UBE3C: variants seen among roughly 807,000 people sequenced by gnomAD.
UBE3C encodes ubiquitin protein ligase E3C, also known as ubiquitin-protein ligase E3C.
A neutral mutation model predicts 129.4 loss-of-function variants in UBE3C; 42 were observed. That is an observed-to-expected ratio of 0.32 (90% CI 0.25 to 0.42). UBE3C has a LOEUF of 0.42. Ranked by LOEUF, UBE3C falls within the 10% of genes least tolerant of loss-of-function variation. The probability of loss-of-function intolerance (pLI) is 1.00; values close to 1 mark genes in which losing one functional copy is unlikely to be tolerated. For missense variants in UBE3C, 1,049 were observed against 1,319.1 expected, an observed-to-expected ratio of 0.80 and a Z score of 3.17; for synonymous variants, 510 against 492.4, an observed-to-expected ratio of 1.04 and a Z score of -0.47.
At chr7:157,151,953 C>T (rs1323721858) in intron 1 of UBE3C, among the ~76,000 whole-genome samples, 2 of 152,208 alleles carry the variant, frequency 1.3e-5, no homozygotes, top group Non-Finnish European at 2.9e-5. Flanking sequence ...TGTTCCCCTT[C>T]TGTTCTAGTA....
chr7:157,160,272 A>G (rs1189780550), intron 1 of UBE3C, among the ~76,000 whole-genome samples: 1 of 152,082 alleles, frequency 6.6e-6, no homozygotes, highest in East Asian at 1.9e-4. Context: ...ACGGGGTTCC[A>G]CCATGTAGGT....
intron 22 of UBE3C, among the ~76,000 whole-genome samples, chr7:157,257,742 CAAA>C (rs11436417): frequency 6.3e-5 from 6 of 95,534 alleles, no homozygotes; most frequent in African/African-American, 2.6e-4. Flanking sequence ...ACCCTGTCTC[CAAA>C]AAAAAAAAAA....
intron 22 of UBE3C, among the ~76,000 whole-genome samples, chr7:157,266,879 G>T (rs1313806449): frequency 6.6e-6 from 1 of 151,854 alleles, no homozygotes; most frequent in Non-Finnish European, 1.5e-5. Flanking sequence ...GGAGTATAGG[G>T]GCAGACCACC....
intron 12 of UBE3C, 54 bp from the exon 13 acceptor site, chr7:157,207,647 AGT>A: frequency 6.3e-7 from 1 of 1,593,586 alleles, no homozygotes; most frequent in South Asian, 1.1e-5. Context: ...TAAGTCTTTC[AGT>A]GTGTGTTAAA....
Position 157,161,643 on chromosome 7 carries a change from A to G in UBE3C, c.67-2167A>G, listed in dbSNP as rs981139551. On this transcript the variant is annotated intron_variant, in intron 1 of 22. Coordinates refer to ENST00000348165, the MANE Select transcript of UBE3C (RefSeq NM_014671.3). ...TTTGTTTTGTATTTTTTGTGGAGAT[A>G]GGGTTTCACCATGTAGCCCAGGCTG... 5.3e-5 allele frequency among the ~76,000 whole-genome samples: 8 copies of G among 151,930 alleles called. 1 individual carries two copies. Among genetic ancestry groups the G allele is most frequent in the Admixed American group, 2.6e-4 (4 of 15,248 alleles).
At chr7:157,252,346 GT>G (rs1201728502) in intron 19 of UBE3C, among the ~76,000 whole-genome samples, 1 of 152,146 alleles carries the variant, frequency 6.6e-6, no homozygotes, top group Non-Finnish European at 1.5e-5. Context: ...CTGAGGCTTG[GT>G]TAACAGATGG....
At chr7:157,146,116 A>T (rs1429731272) in intron 1 of UBE3C, among the ~76,000 whole-genome samples, 1 of 152,152 alleles carries the variant, frequency 6.6e-6, no homozygotes, top group Non-Finnish European at 1.5e-5. Flanking sequence ...TAGATTTTTA[A>T]TTTTTGAAGT....
In UBE3C at chr7:157,210,772, A is replaced by G. The variant is rs553696820; in HGVS notation, c.1809+2837A>G. Among the ~76,000 whole-genome samples the G allele has an allele frequency of 2.8e-4, 43 of 152,316 alleles. 1 individual carries two copies. The South Asian group carries it at 8.9e-3, about 32-fold the overall frequency. ...TTTTGACAGAATTGCAAACGATGAG[A>G]CCTGACTCCTTCAACACCGACCATT... On this transcript the variant is annotated intron_variant, in intron 13 of 22. Transcript: ENST00000348165.
chr7:157,172,999 A>G lies in UBE3C; in HGVS notation c.343-1920A>G, dbSNP rs138753506. On this transcript the variant is annotated intron_variant, in intron 4 of 22. Transcript: ENST00000348165. Reference sequence around the variant, plus strand: ...CATATTTGACTTTCGGCCTCGAGCAAATATCAAGCAAATTGCTCATGTGCA... The same window carrying G: ...CATATTTGACTTTCGGCCTCGAGCAGATATCAAGCAAATTGCTCATGTGCA... Among the ~76,000 whole-genome samples the G allele has an allele frequency of 1.7e-3, 257 of 152,350 alleles. 2 individuals carry two copies. Among genetic ancestry groups the G allele is most frequent in the Non-Finnish European group, 2.4e-3 (164 of 68,030 alleles).
At chr7:157,150,548 T>G (rs993828268) in intron 1 of UBE3C, among the ~76,000 whole-genome samples, 4 of 152,194 alleles carry the variant, frequency 2.6e-5, no homozygotes, top group African/African-American at 7.2e-5. Context: ...TGAAACAGCC[T>G]ACATGTCTAA....
At chr7:157,163,014 T>A (rs1302764738) in intron 1 of UBE3C, among the ~76,000 whole-genome samples, 4 of 152,078 alleles carry the variant, frequency 2.6e-5, no homozygotes, top group Non-Finnish European at 5.9e-5. Context: ...TGAAAAAAAA[T>A]TTTCATCAAA....
intron 1 of UBE3C, among the ~76,000 whole-genome samples, chr7:157,163,006 A>G (rs1411704961): frequency 6.6e-6 from 1 of 152,094 alleles, no homozygotes; most frequent in Non-Finnish European, 1.5e-5. Flanking sequence ...TTTATTTATG[A>G]AAAAAAATTT....
chr7:157,216,764 C>A lies in UBE3C; in HGVS notation c.1810-103C>A, dbSNP rs181415142. ...TTTGGTGTCCGGCTCGACCTGGGTT[C>A]CTGCACCACCGCTGTGTGCTCCTCC... On this transcript the variant is annotated intron_variant, in intron 13 of 22. Coordinates refer to ENST00000348165, the MANE Select transcript of UBE3C (RefSeq NM_014671.3). The A allele has an allele frequency of 3.4e-6, 3 of 870,706 alleles. No homozygotes were observed. The African/African-American group carries it at 5.1e-5, about 15-fold the overall frequency. 53.9% of individuals were successfully genotyped at this position (870,706 alleles called of 1,614,324 possible).
chr7:157,220,354 A>G (rs1235782175), intron 14 of UBE3C, among the ~76,000 whole-genome samples: 2 of 152,222 alleles, frequency 1.3e-5, no homozygotes, highest in African/African-American at 4.8e-5. Flanking sequence ...TGAATTTTTG[A>G]TAATAATAAC....
chr7:157,169,746 A>G (rs946382468), intron 3 of UBE3C, among the ~76,000 whole-genome samples: 8 of 152,014 alleles, frequency 5.3e-5, no homozygotes, highest in Admixed American at 2.0e-4. Flanking sequence ...CAGTTGCACG[A>G]TCTTGGCTCA....
In UBE3C at chr7:157,152,606, T is replaced by C. The variant is rs184402631; in HGVS notation, c.67-11204T>C. Among the ~76,000 whole-genome samples the C allele has an allele frequency of 3.7e-4, 57 of 152,334 alleles. No individual in the cohort carries two copies. In the East Asian group the frequency reaches 0.01, roughly 27 times the overall value. On this transcript the variant is annotated intron_variant, in intron 1 of 22. Transcript: ENST00000348165. Reference sequence around the variant, plus strand: ...AGCTCATTGATCTCGACTTCTGATATGTGAGGCAGAGGTGTTAGTGTCCTG... The same window carrying C: ...AGCTCATTGATCTCGACTTCTGATACGTGAGGCAGAGGTGTTAGTGTCCTG...
At chr7:157,247,764 C>T (rs1348833366) in intron 18 of UBE3C, among the ~76,000 whole-genome samples, 1 of 152,160 alleles carries the variant, frequency 6.6e-6, no homozygotes, top group African/African-American at 2.4e-5. Flanking sequence ...TGGAACATAG[C>T]CACCCTCACT....
chr7:157,197,292 T>C (rs1341761675), intron 10 of UBE3C, among the ~76,000 whole-genome samples: 1 of 152,186 alleles, frequency 6.6e-6, no homozygotes, highest in Non-Finnish European at 1.5e-5. Context: ...AAAAGGGGTT[T>C]TCATTTTTTT....
Position 157,225,558 on chromosome 7 carries a change from G to A in UBE3C, c.2233+19G>A. ...GAAAATGGTATATATAATTCTTTCT[G>A]TGTATTATTTGGCAGGTGGAGGCTA... On this transcript the variant is annotated intron_variant, in intron 17 of 22. Coordinates refer to ENST00000348165, the MANE Select transcript of UBE3C (RefSeq NM_014671.3). The A allele has an allele frequency of 6.5e-7, 1 of 1,544,168 alleles. No individual in the cohort carries two copies. The highest frequency in any genetic ancestry group is 8.7e-7 in the Non-Finnish European group (1 of 1,153,450).
Sources: allele counts gnomAD v4.1 joint callset (sites outside exome capture counted in the v4.1 genomes callset), GRCh38; gene constraint gnomAD v4.1.1; transcripts MANE v1.5; gene names NCBI Gene and HGNC (gene_info 2026-07-23, HGNC 2026-07-21).